LMO7: variants seen among roughly 807,000 people sequenced by gnomAD.
LMO7 encodes LIM domain only protein 7.
LMO7 carries 120 observed loss-of-function variants against 206.5 expected under a neutral mutation model. That is an observed-to-expected ratio of 0.58 (90% CI 0.50 to 0.68). LMO7 has a LOEUF of 0.68. Among genes scored for constraint, LMO7 ranks in the 30% least tolerant of loss-of-function variants. The pLI is 0.00. For synonymous variants in LMO7, 706 were observed against 681.5 expected, an observed-to-expected ratio of 1.04 and a Z score of -0.56; for missense variants, 1,959 against 1,957.9, an observed-to-expected ratio of 1.00 and a Z score of -0.01.
intron 1 of LMO7, among the ~76,000 whole-genome samples, chr13:75,656,690 A>T (rs1167889367): frequency 6.6e-6 from 1 of 152,134 alleles, no homozygotes; most frequent in Admixed American, 6.5e-5. Flanking sequence ...AACAAGTTTC[A>T]TGTGGATGTG....
At chr13:75,830,869 C>T (rs2058596247) in intron 15 of LMO7, among the ~76,000 whole-genome samples, 1 of 152,164 alleles carries the variant, frequency 6.6e-6, no homozygotes, top group Non-Finnish European at 1.5e-5. Context: ...ATTAAGACTC[C>T]ATCCTGTCTT....
intron 15 of LMO7, among the ~76,000 whole-genome samples, chr13:75,824,646 A>G (rs968282615): frequency 6.6e-6 from 1 of 152,190 alleles, no homozygotes; most frequent in Non-Finnish European, 1.5e-5. Context: ...CTCTCTTAGA[A>G]AGATTCTTTC....
chr13:75,830,678 A>G (rs2058576390), intron 15 of LMO7, among the ~76,000 whole-genome samples: 1 of 152,124 alleles, frequency 6.6e-6, no homozygotes, highest in Admixed American at 6.6e-5. Flanking sequence ...TTAAATAGTG[A>G]TTTCTTTATT....
chr13:75,694,137 G>A (rs2041720075), intron 1 of LMO7, among the ~76,000 whole-genome samples: 1 of 152,216 alleles, frequency 6.6e-6, no homozygotes, highest in African/African-American at 2.4e-5. Flanking sequence ...ATCTAGGACG[G>A]AAGAGAAGAT....
At chr13:75,623,390 G>GCAAGACTCCGTA in intron 2 of LMO7, 1 of 834,268 alleles carries the variant, frequency 1.2e-6, no homozygotes, top group Non-Finnish European at 2.0e-6. Context: ...TTGATACGGA[G>GCAAGACTCCGTA]TCTTGCTCTG....
chr13:75,756,875 T>C (rs1266776904), intron 3 of LMO7, among the ~76,000 whole-genome samples: 1 of 152,184 alleles, frequency 6.6e-6, no homozygotes, highest in Non-Finnish European at 1.5e-5. Flanking sequence ...TGGGGCCTTA[T>C]TAGGGAGTAA....
intron 1 of LMO7, among the ~76,000 whole-genome samples, chr13:75,692,371 G>A (rs577810581): frequency 6.6e-6 from 1 of 151,770 alleles, no homozygotes; most frequent in African/African-American, 2.4e-5. Flanking sequence ...GGAGTGCTAC[G>A]ATTCCTTAAA....
chr13:75,739,323 T>A (rs1303848465), intron 3 of LMO7, among the ~76,000 whole-genome samples: 1 of 152,210 alleles, frequency 6.6e-6, no homozygotes, highest in African/African-American at 2.4e-5. Context: ...ATATTCACAT[T>A]TGTGTAAAAA....
At chr13:75,788,193 C>T (rs1408326978) in intron 4 of LMO7, among the ~76,000 whole-genome samples, 3 of 152,140 alleles carry the variant, frequency 2.0e-5, no homozygotes, top group Non-Finnish European at 2.9e-5. Context: ...ATGACACCTA[C>T]ACTTTTCTCC....
intron 1 of LMO7, among the ~76,000 whole-genome samples, chr13:75,686,526 C>CTTTTTTTTTTTT (rs3036372): frequency 7.4e-6 from 1 of 135,860 alleles, no homozygotes. Context: ...CCTATCTTAC[C>CTTTTTTTTTTTT]TTTTTTTTTT....
chr13:75,791,879 T>C (rs1302670337), intron 4 of LMO7, among the ~76,000 whole-genome samples: 3 of 152,182 alleles, frequency 2.0e-5, no homozygotes, highest in African/African-American at 7.2e-5. Context: ...TTTTAAACTA[T>C]TAACATTTTA....
At chr13:75,850,446 A>G (rs529994218) in intron 27 of LMO7, among the ~76,000 whole-genome samples, 1 of 152,260 alleles carries the variant, frequency 6.6e-6, no homozygotes, top group Non-Finnish European at 1.5e-5. Flanking sequence ...AAGGATGTAC[A>G]CTTACACATT....
intron 14 of LMO7, among the ~76,000 whole-genome samples, chr13:75,822,856 C>T (rs1367985548): frequency 7.0e-6 from 1 of 143,024 alleles, no homozygotes; most frequent in African/African-American, 2.6e-5. Context: ...AACTTTTGCT[C>T]CAGCAAGCCT....
At chr13:75,719,383 T>C (rs1230801470) in intron 2 of LMO7, among the ~76,000 whole-genome samples, 3 of 152,238 alleles carry the variant, frequency 2.0e-5, no homozygotes, top group South Asian at 2.1e-4. Context: ...TTCTCAGTTA[T>C]GGCAATTATG....
chr13:75,856,650 G>T lies in LMO7; in HGVS notation c.4873+42G>T, dbSNP rs377151511. ...GAGAGAAAATTTCTTGCCTTTTAAGGAGGCCACGGGTTCCCATGCATTTCC... is the reference window on the plus strand; with the variant it reads ...GAGAGAAAATTTCTTGCCTTTTAAGTAGGCCACGGGTTCCCATGCATTTCC... On this transcript the variant is annotated intron_variant, in intron 30 of 30. Transcript: ENST00000377534. 4 of 1,169,686 alleles carry T rather than the reference G, an allele frequency of 3.4e-6. No individual in the cohort carries two copies. The African/African-American group carries it at 6.0e-5, about 18-fold the overall frequency. The allele number at this position is 1,169,686 out of a possible 1,614,324, so 72.5% of individuals were successfully genotyped here. A position where few individuals can be genotyped will look rare whatever the true frequency, so the allele number is the denominator to read the frequency against.
At chr13:75,680,525 G>A (rs1472670284) in intron 1 of LMO7, among the ~76,000 whole-genome samples, 1 of 151,788 alleles carries the variant, frequency 6.6e-6, no homozygotes, top group African/African-American at 2.4e-5. Context: ...CAGTGTAAAA[G>A]CATTCCTATT....
chr13:75,742,434 G>T (rs1008904990), intron 3 of LMO7, among the ~76,000 whole-genome samples: 1 of 152,136 alleles, frequency 6.6e-6, no homozygotes, highest in African/African-American at 2.4e-5. Context: ...TAAGCAAGAA[G>T]AATAAAGCTG....
intron 3 of LMO7, among the ~76,000 whole-genome samples, chr13:75,733,354 C>T (rs1199068308): frequency 6.6e-6 from 1 of 152,248 alleles, no homozygotes; most frequent in African/African-American, 2.4e-5. Flanking sequence ...CCCAGCCTCA[C>T]TGCTGCCTTG....
rs569442740 is a variant in LMO7, at chr13:75,732,614, T to G, written c.210+5516T>G. Among the ~76,000 whole-genome samples, 194 of 152,364 alleles carry G rather than the reference T, an allele frequency of 1.3e-3. 1 individual carries two copies. Among genetic ancestry groups the G allele is most frequent in the African/African-American group, 4.5e-3 (189 of 41,594 alleles). ...AGTAGTTTGATTGTCTGAAGCCTTCTTCTCTCAACTCGTCAAAGTCATTCT... is the reference window on the plus strand; with the variant it reads ...AGTAGTTTGATTGTCTGAAGCCTTCGTCTCTCAACTCGTCAAAGTCATTCT... On this transcript the variant is annotated intron_variant, in intron 3 of 30. Coordinates refer to ENST00000377534, the MANE Select transcript of LMO7 (RefSeq NM_001306080.2).
Sources: allele counts gnomAD v4.1 joint callset (sites outside exome capture counted in the v4.1 genomes callset), GRCh38; gene constraint gnomAD v4.1.1; transcripts MANE v1.5; gene names NCBI Gene and HGNC (gene_info 2026-07-23, HGNC 2026-07-21).